Variants in ZNF567 observed in about 807,000 individuals in gnomAD.
ZNF567 encodes the protein zinc finger protein 567.
A neutral mutation model predicts 53.9 loss-of-function variants in ZNF567; 36 were observed. The ratio of observed to expected loss-of-function variants is 0.67; its 90% CI spans 0.51 to 0.88. The LOEUF (loss-of-function observed/expected upper bound fraction) is 0.88. ZNF567 is among the 40% of genes least tolerant of loss of function. The pLI, the probability that ZNF567 is intolerant of heterozygous loss-of-function variation, is 0.00. For synonymous variants in ZNF567, 224 were observed against 260.4 expected (o/e 0.86, Z 1.35); for missense variants, 619 against 764.7 (o/e 0.81, Z 2.25).
upstream of ZNF567, chr19:36,685,703 AT>A (rs2145479943): frequency 6.6e-6 from 1 of 152,384 alleles, no homozygotes; most frequent in African/African-American, 2.4e-5. Context: ...CAATATGGTC[AT>A]TTAAAAAGTC....
chr19:36,688,399 G>T (rs1012209050), intron 1 of ZNF567, among the ~76,000 whole-genome samples: 25 of 152,018 alleles, frequency 1.6e-4, no homozygotes, highest in African/African-American at 5.8e-4. Flanking sequence ...ATGAGTATTG[G>T]GCATTTTATA....
chr19:36,696,315 T>A (rs2038883061), intron 3 of ZNF567, among the ~76,000 whole-genome samples: 1 of 152,218 alleles, frequency 6.6e-6, no homozygotes, highest in African/African-American at 2.4e-5. Flanking sequence ...CTCTTCTATT[T>A]ACACTCTCCT....
the ZNF567 span, among the ~76,000 whole-genome samples, chr19:36,667,111 G>A: frequency 1.3e-5 from 2 of 152,182 alleles, no homozygotes; most frequent in African/African-American, 4.8e-5. Context: ...GACTAACCCG[G>A]CTTCCCTTTG....
the ZNF567 span, among the ~76,000 whole-genome samples, chr19:36,676,011 T>A: frequency 6.7e-6 from 1 of 150,322 alleles, no homozygotes; most frequent in African/African-American, 2.4e-5. Flanking sequence ...GTAGCCACTG[T>A]CAGCATGTTT....
At chr19:36,695,311 C>G (rs1386138099) in intron 3 of ZNF567, among the ~76,000 whole-genome samples, 2 of 151,662 alleles carry the variant, frequency 1.3e-5, no homozygotes, top group Admixed American at 1.3e-4. Context: ...GGCAGATCAC[C>G]TGAGGTCAGA....
chr19:36,719,302 A>G lies in ZNF567; in HGVS notation c.578A>G (p.His193Arg). Residue 193 changes from histidine to arginine, a missense_variant, in exon 6 of 6, where the codon CAT (histidine) becomes CGT (arginine). Physicochemically the swap from His to Arg is conservative, Grantham distance 29 (BLOSUM62 0). Coordinates refer to ENST00000682579, the MANE Select transcript of ZNF567 (RefSeq NM_001322917.1). ...AATCAAAGTGCCAGAGCTTTCAGTC[A>G]TAATGAAGTTCTTATGCAGTATCAG... is the stretch of plus-strand genomic sequence containing the variant. ...SHNQSARAFS[H>R]NEVLMQYQKT... 1.2e-6 allele frequency: 2 copies of G among 1,613,922 alleles called. No individual in the cohort carries two copies. Among genetic ancestry groups the G allele is most frequent in the Non-Finnish European group, 1.7e-6 (2 of 1,179,962 alleles).
intron 3 of ZNF567, 91 bp from the exon 4 acceptor site, chr19:36,712,295 A>C (rs2039830444): frequency 2.2e-6 from 3 of 1,354,432 alleles, no homozygotes; most frequent in Non-Finnish European, 3.0e-6. Context: ...TGATCCACCT[A>C]CCTCAGCCTC....
At chr19:36,724,681 C>CAAAA (rs577726722), downstream of ZNF567, among the ~76,000 whole-genome samples, 33,888 of 116,704 alleles carry the variant, frequency 0.29, 5,244 homozygotes, top group East Asian at 0.52. Flanking sequence ...GACTTCATCT[C>CAAAA]AAAAAAAAAA....
At chr19:36,692,420 C>G (rs1403735669) in intron 2 of ZNF567, among the ~76,000 whole-genome samples, 3 of 152,074 alleles carry the variant, frequency 2.0e-5, no homozygotes, top group Admixed American at 6.5e-5. Context: ...TTGTCCAGGT[C>G]GAAGTACAGT....
At chr19:36,685,120 T>C (rs544545991), upstream of ZNF567, among the ~76,000 whole-genome samples, 11 of 152,102 alleles carry the variant, frequency 7.2e-5, no homozygotes, top group Non-Finnish European at 1.2e-4. Context: ...AAACCCCATG[T>C]CTACTAAAAA....
In ZNF567 at chr19:36,695,266, C is replaced by T. The variant is rs569990905; in HGVS notation, c.9+390C>T. On this transcript the variant is annotated intron_variant, in intron 3 of 5. Transcript: ENST00000682579. ...AAAATAGGCCAGGCGCGGTGGCTCA[C>T]GCCTGTAATCCCAGCACTTTGGGAG... 4.0e-5 allele frequency among the ~76,000 whole-genome samples: 6 copies of T among 151,804 alleles called. No homozygotes were observed. In the South Asian group the frequency reaches 6.2e-4, roughly 16 times the overall value.
intron 3 of ZNF567, among the ~76,000 whole-genome samples, chr19:36,701,200 C>G (rs527810834): frequency 9.9e-5 from 15 of 152,162 alleles, no homozygotes; most frequent in African/African-American, 3.6e-4. Flanking sequence ...CATTCAGGAG[C>G]AGGTTGTTCA....
chr19:36,689,926 G>T (rs3108188), intron 2 of ZNF567, among the ~76,000 whole-genome samples: 102,149 of 152,016 alleles, frequency 0.67, 34,658 homozygotes, highest in East Asian at 0.82. Flanking sequence ...AAAAATACAT[G>T]CTCCTCTCTC....
At chr19:36,726,349 A>C (rs2040334959), downstream of ZNF567, among the ~76,000 whole-genome samples, 1 of 152,148 alleles carries the variant, frequency 6.6e-6, no homozygotes, top group South Asian at 2.1e-4. Context: ...AATTTTATCT[A>C]TTATGAGATT....
chr19:36,715,506 A>T (rs199634430), intron 5 of ZNF567, among the ~76,000 whole-genome samples: 2,603 of 25,408 alleles, frequency 0.1, 28 homozygotes, highest in East Asian at 0.14. Flanking sequence ...TAATAATAAT[A>T]ATAATTATTA....
chr19:36,697,860 C>T (rs1244149152), intron 3 of ZNF567, among the ~76,000 whole-genome samples: 3 of 151,534 alleles, frequency 2.0e-5, no homozygotes, highest in African/African-American at 7.3e-5. Context: ...TTCTGCCTGC[C>T]TTGGCTTCCC....
the ZNF567 span, among the ~76,000 whole-genome samples, chr19:36,671,731 C>T: frequency 6.6e-6 from 1 of 152,322 alleles, no homozygotes; most frequent in Admixed American, 6.5e-5. Context: ...AGCTTTTGGC[C>T]TCCTACTGGA....
At position 36,700,470 on chromosome 19, in the gene ZNF567, A is replaced by G. The variant is rs1410761876; in HGVS notation, c.9+5594A>G. ...GTTAGGGAGGATTCCCTCTTTTTCT[A>G]TTGATTGGAATAGTTTCAGAAGGAA... is the stretch of plus-strand genomic sequence containing the variant. On this transcript the variant is annotated intron_variant, in intron 3 of 5. Coordinates refer to ENST00000682579, the MANE Select transcript of ZNF567 (RefSeq NM_001322917.1). 4.8e-3 allele frequency among the ~76,000 whole-genome samples: 713 copies of G among 149,814 alleles called. 7 individuals are homozygous for G. Among genetic ancestry groups the G allele is most frequent in the Non-Finnish European group, 6.0e-3 (405 of 67,452 alleles).
intron 2 of ZNF567, among the ~76,000 whole-genome samples, chr19:36,690,398 G>C (rs770563138): frequency 3.3e-5 from 5 of 152,134 alleles, no homozygotes; most frequent in Non-Finnish European, 7.4e-5. Flanking sequence ...TTCAAGACCA[G>C]CCTGGGCAAC....
Sources: gnomAD v4.1 joint callset for allele counts (sites outside exome capture counted in the v4.1 genomes callset) on GRCh38, gnomAD v4.1.1 for gene constraint, MANE v1.5 for transcripts, NCBI Gene and HGNC (gene_info 2026-07-23, HGNC 2026-07-21) for gene names.